The following CACNA2D3 variants were observed in gnomAD, a reference collection of about 807,000 sequenced individuals.
The protein encoded by CACNA2D3 is voltage-dependent calcium channel subunit alpha-2/delta-3.
A neutral mutation model predicts 160.6 loss-of-function variants in CACNA2D3; 60 were observed. The ratio of observed to expected loss-of-function variants is 0.37; its 90% CI spans 0.30 to 0.46. The LOEUF is 0.46. CACNA2D3 is among the 20% of genes least tolerant of loss of function. CACNA2D3 has a pLI of 1.00. For missense variants in CACNA2D3, 1,205 were observed against 1,365.0 expected (o/e 0.88, Z 1.85); for synonymous variants, 558 against 492.9 (o/e 1.13, Z -1.75).
At chr3:54,764,971 C>G (rs532432024) in intron 13 of CACNA2D3, among the ~76,000 whole-genome samples, 1 of 152,270 alleles carries the variant, frequency 6.6e-6, no homozygotes, top group East Asian at 1.9e-4. Flanking sequence ...GGCTCAATGG[C>G]TGGGTTTCTT....
chr3:54,267,245 T>G (rs1200068243), intron 2 of CACNA2D3, among the ~76,000 whole-genome samples: 1 of 152,208 alleles, frequency 6.6e-6, no homozygotes. Context: ...GATTGTGTCT[T>G]GCAGTGTGAT....
At chr3:54,208,235 A>G (rs2107358911) in intron 2 of CACNA2D3, among the ~76,000 whole-genome samples, 1 of 152,214 alleles carries the variant, frequency 6.6e-6, no homozygotes, top group East Asian at 1.9e-4. Context: ...CCTCCTGAGT[A>G]GCTGGGATTA....
intron 29 of CACNA2D3, among the ~76,000 whole-genome samples, chr3:54,981,860 CT>C (rs1347921964): frequency 9.2e-5 from 14 of 152,326 alleles, no homozygotes; most frequent in African/African-American, 3.4e-4. Flanking sequence ...GGAGTTTCAA[CT>C]TGTTGCCTCT....
chr3:54,188,146 C>CT (rs1448860291), intron 2 of CACNA2D3, among the ~76,000 whole-genome samples: 2 of 152,184 alleles, frequency 1.3e-5, no homozygotes, highest in African/African-American at 2.4e-5. Context: ...ATTGTATAGA[C>CT]TGTTAAGCGT....
intron 11 of CACNA2D3, among the ~76,000 whole-genome samples, chr3:54,680,543 G>A (rs1256262160): frequency 6.6e-6 from 1 of 152,222 alleles, no homozygotes; most frequent in African/African-American, 2.4e-5. Flanking sequence ...TCCCTGGCCT[G>A]TGTGTGCCTC....
At chr3:54,132,479 G>A (rs1367814088) in intron 2 of CACNA2D3, among the ~76,000 whole-genome samples, 1 of 152,162 alleles carries the variant, frequency 6.6e-6, no homozygotes, top group Non-Finnish European at 1.5e-5. Context: ...CCACCTGGTC[G>A]CCCTGAAGTA....
intron 11 of CACNA2D3, among the ~76,000 whole-genome samples, chr3:54,666,441 C>G (rs1700070394): frequency 6.6e-6 from 1 of 152,188 alleles, no homozygotes; most frequent in Non-Finnish European, 1.5e-5. Flanking sequence ...GAATGGAACC[C>G]AAGCCAAGAA....
At chr3:55,073,899 A>C (rs1031903666) in intron 37 of CACNA2D3, 40 bp downstream of exon 37, 7 of 1,518,746 alleles carry the variant, frequency 4.6e-6, no homozygotes, top group Non-Finnish European at 6.4e-6. Context: ...TTCCCATCAG[A>C]ATCACCACGA....
intron 2 of CACNA2D3, among the ~76,000 whole-genome samples, chr3:54,209,889 G>A (rs1161902406): frequency 6.6e-6 from 1 of 152,156 alleles, no homozygotes; most frequent in South Asian, 2.1e-4. Context: ...TTAGAAATCG[G>A]AATCCCTTTA....
At chr3:54,584,304 A>C (rs1702725024) in intron 9 of CACNA2D3, among the ~76,000 whole-genome samples, 1 of 152,250 alleles carries the variant, frequency 6.6e-6, no homozygotes, top group Non-Finnish European at 1.5e-5. Context: ...CTTGCAACAA[A>C]TGAAACAGTA....
At chr3:54,392,411 C>T (rs1416534255) in intron 4 of CACNA2D3, among the ~76,000 whole-genome samples, 1 of 152,150 alleles carries the variant, frequency 6.6e-6, no homozygotes, top group African/African-American at 2.4e-5. Context: ...TTGCACAGAG[C>T]GGGTGCACAG....
intron 27 of CACNA2D3, among the ~76,000 whole-genome samples, chr3:54,936,252 A>G (rs1414361372): frequency 6.6e-6 from 1 of 152,154 alleles, no homozygotes; most frequent in African/African-American, 2.4e-5. Context: ...AGGTACTTAG[A>G]TTGTATCTGC....
At chr3:54,545,221 A>C (rs905061372) in intron 5 of CACNA2D3, among the ~76,000 whole-genome samples, 8 of 152,216 alleles carry the variant, frequency 5.3e-5, no homozygotes, top group Admixed American at 1.3e-4. Context: ...AGTTTGAACT[A>C]CTCAAAATTT....
chr3:54,643,512 C>T (rs1699568273), intron 11 of CACNA2D3, among the ~76,000 whole-genome samples: 1 of 152,104 alleles, frequency 6.6e-6, no homozygotes, highest in Admixed American at 6.5e-5. Flanking sequence ...ATGTGGGATT[C>T]TGAGATGTCT....
chr3:54,826,862 A>C (rs887102985), intron 14 of CACNA2D3, among the ~76,000 whole-genome samples: 1 of 152,138 alleles, frequency 6.6e-6, no homozygotes, highest in Non-Finnish European at 1.5e-5. Context: ...GATGAAGTTC[A>C]AATCTTTGGA....
chr3:54,464,995 A>G (rs1441808458), intron 4 of CACNA2D3, among the ~76,000 whole-genome samples: 2 of 152,114 alleles, frequency 1.3e-5, no homozygotes, highest in Non-Finnish European at 2.9e-5. Context: ...TGTTCACTTT[A>G]TGGTATCCCA....
intron 32 of CACNA2D3, among the ~76,000 whole-genome samples, chr3:55,005,112 C>G (rs1166604875): frequency 6.6e-6 from 1 of 151,940 alleles, no homozygotes; most frequent in Non-Finnish European, 1.5e-5. Flanking sequence ...CCTGTCTCTA[C>G]TAAAAATACA....
chr3:54,171,158 T>TTTA (rs1553743546), intron 2 of CACNA2D3, among the ~76,000 whole-genome samples: 1 of 140,678 alleles, frequency 7.1e-6, no homozygotes, highest in African/African-American at 3.0e-5. Flanking sequence ...TTTTTTTTTT[T>TTTA]AGGAATAGCT....
At chr3:54,537,512 A>G (rs1379211972) in intron 5 of CACNA2D3, among the ~76,000 whole-genome samples, 1 of 152,028 alleles carries the variant, frequency 6.6e-6, no homozygotes, top group East Asian at 1.9e-4. Context: ...CAGCTCCACC[A>G]TGGTTGTATC....
Sources: allele counts gnomAD v4.1 joint callset (sites outside exome capture counted in the v4.1 genomes callset), GRCh38; gene constraint gnomAD v4.1.1; transcripts MANE v1.5; gene names NCBI Gene and HGNC (gene_info 2026-07-23, HGNC 2026-07-21).